Variants in ZFP90 observed in about 807,000 individuals in gnomAD.
ZFP90 encodes the protein ZFP90 zinc finger protein.
Under a neutral mutation model 60.8 loss-of-function variants are expected in ZFP90, and 38 were observed. The ratio of observed to expected loss-of-function variants is 0.62; its 90% CI spans 0.48 to 0.82. The LOEUF (loss-of-function observed/expected upper bound fraction) is 0.82, where lower values mean the gene tolerates loss of function less well. Ranked by LOEUF, ZFP90 falls within the 40% of genes least tolerant of loss-of-function variation. The pLI, the probability that ZFP90 is intolerant of heterozygous loss-of-function variation, is 0.00. For synonymous variants in ZFP90, 287 were observed against 264.8 expected (o/e 1.08, Z -0.82); for missense variants, 711 against 759.1 (o/e 0.94, Z 0.74).
intron 4 of ZFP90, among the ~76,000 whole-genome samples, chr16:68,558,845 A>G (rs1372306401): frequency 6.6e-6 from 1 of 152,072 alleles, no homozygotes; most frequent in Admixed American, 6.6e-5. Context: ...CCCTGAATTG[A>G]ACTCCCGTAT....
downstream of ZFP90, among the ~76,000 whole-genome samples, chr16:68,569,267 G>C (rs1369204810): frequency 1.3e-5 from 2 of 151,402 alleles, no homozygotes; most frequent in Admixed American, 6.6e-5. Flanking sequence ...CTCCTGAGTA[G>C]CTGGGACTAC....
At chr16:68,545,870 A>C (rs565733901) in intron 2 of ZFP90, among the ~76,000 whole-genome samples, 4 of 151,444 alleles carry the variant, frequency 2.6e-5, no homozygotes, top group South Asian at 4.2e-4. Context: ...GTGTTGTATT[A>C]CTTTTGTTAA....
At chr16:68,556,790 C>T (rs2091351330) in intron 2 of ZFP90, among the ~76,000 whole-genome samples, 1 of 152,224 alleles carries the variant, frequency 6.6e-6, no homozygotes. Flanking sequence ...ACACAAAATG[C>T]GATGGATAGT....
chr16:68,536,472 T>C (rs1040512571), upstream of ZFP90, among the ~76,000 whole-genome samples: 1 of 151,960 alleles, frequency 6.6e-6, no homozygotes, highest in African/African-American at 2.4e-5. Context: ...CACCTGGCAT[T>C]ATTATTACTA....
chr16:68,541,116 A>G (rs1010997236), intron 2 of ZFP90, among the ~76,000 whole-genome samples: 6 of 151,474 alleles, frequency 4.0e-5, no homozygotes, highest in African/African-American at 1.2e-4. Flanking sequence ...GCTCACTGCA[A>G]CCTCCACCTC....
At position 68,564,176 on chromosome 16, in the gene ZFP90, A is replaced by G. The variant is rs767466951; in HGVS notation, c.1389A>G (p.Thr463=). 6.2e-7 allele frequency: 1 copy of G among 1,614,216 alleles called. No individual in the cohort carries two copies. Among genetic ancestry groups the G allele is most frequent in the South Asian group, 1.1e-5 (1 of 91,088 alleles). Residue 463 remains threonine, a synonymous_variant, in exon 5 of 5, where the codon ACA becomes ACG. Coordinates refer to ENST00000563169, the MANE Select transcript of ZFP90 (RefSeq NM_001305203.2). ...GTGGGGAAGACTTTAGTCACATTAC[A>G]GACTTTACTGACCATCAGAGGATCC... ...NDCGEDFSHI[T]DFTDHQRIHT... is the part of the protein sequence containing the mutation.
intron 2 of ZFP90, chr16:68,555,184 C>T (rs1355690990): frequency 6.6e-6 from 1 of 152,248 alleles, no homozygotes; most frequent in Non-Finnish European, 1.5e-5. Flanking sequence ...TGTGTATTGT[C>T]TCATATTGTG....
At position 68,564,043 on chromosome 16, in the gene ZFP90, G is replaced by GCAAACCTTAC; in HGVS notation, c.1261_1270dup (p.Ser424ThrfsTer6). 1.2e-6 allele frequency: 2 copies of GCAAACCTTAC among 1,613,966 alleles called. No homozygotes were observed. Among genetic ancestry groups the GCAAACCTTAC allele is most frequent in the Non-Finnish European group, 1.7e-6 (2 of 1,179,994 alleles). ...AAACATATGAGGATTCATAAGAGAGGCAAACCTTACCAAAGCAGTAACTAC... is the reference window on the plus strand; with the variant it reads ...AAACATATGAGGATTCATAAGAGAGGCAAACCTTACCAAACCTTACCAAAGCAGTAACTAC... On this transcript the variant is annotated frameshift_variant, in exon 5 of 5. Coordinates refer to ENST00000563169, the MANE Select transcript of ZFP90 (RefSeq NM_001305203.2). LOFTEE classifies it high-confidence loss of function.
At chr16:68,553,904 T>C (rs1402134188) in intron 2 of ZFP90, among the ~76,000 whole-genome samples, 1 of 151,844 alleles carries the variant, frequency 6.6e-6, no homozygotes, top group East Asian at 2.0e-4. Context: ...GGATCACAGG[T>C]GTGAGCCACC....
intron 2 of ZFP90, among the ~76,000 whole-genome samples, chr16:68,553,801 TTG>T: frequency 6.6e-6 from 1 of 152,040 alleles, no homozygotes; most frequent in South Asian, 2.1e-4. Flanking sequence ...AAAAATTTGT[TTG>T]TGTTAGAGAT....
upstream of ZFP90, among the ~76,000 whole-genome samples, chr16:68,534,519 C>T (rs145503100): frequency 1.8e-4 from 27 of 151,122 alleles, no homozygotes; most frequent in African/African-American, 4.4e-4. Context: ...TGAGCCACTG[C>T]GCCCGGCCAT....
rs1399914827 is a variant in ZFP90, at chr16:68,566,369, C to A, written c.*1671C>A. ...AATTTTCCCAGCCCTAAATATGAAT[C>A]ATGGGGCAAGATATTGGTCGTATTG... On this transcript the variant is annotated 3_prime_UTR_variant, in exon 5 of 5. Transcript: ENST00000563169. The A allele has an allele frequency of 1.0e-6, 1 of 985,538 alleles. No homozygotes were observed. The highest frequency in any genetic ancestry group is 1.2e-6 in the Non-Finnish European group (1 of 829,938). 61.0% of individuals were successfully genotyped at this position (985,538 alleles called of 1,614,324 possible).
rs528025628 is a variant in ZFP90, at chr16:68,554,789, T to C, written c.34-3209T>C. On this transcript the variant is annotated intron_variant, in intron 2 of 4. Coordinates refer to ENST00000563169, the MANE Select transcript of ZFP90 (RefSeq NM_001305203.2). ...CAACATAGTGAGACCCCATCTCTATTAAACAAAATAAAACAAAATAAACCA... is the reference window on the plus strand; with the variant it reads ...CAACATAGTGAGACCCCATCTCTATCAAACAAAATAAAACAAAATAAACCA... Among the ~76,000 whole-genome samples the C allele has an allele frequency of 1.1e-3, 167 of 152,152 alleles. 1 individual carries two copies. The highest frequency in any genetic ancestry group is 3.8e-3 in the African/African-American group (158 of 41,520).
chr16:68,557,285 A>G, intron 2 of ZFP90: 1 of 455,936 alleles, frequency 2.2e-6, no homozygotes, highest in Non-Finnish European at 4.4e-6. Flanking sequence ...AAGTGTTAGG[A>G]TTACAGGTGT....
intron 2 of ZFP90, among the ~76,000 whole-genome samples, chr16:68,543,875 T>A (rs1007944857): frequency 6.6e-6 from 1 of 151,124 alleles, no homozygotes; most frequent in Non-Finnish European, 1.5e-5. Context: ...TTTTTTTTTT[T>A]TTTTCGAGGT....
chr16:68,537,554 A>C (rs1728801), upstream of ZFP90, among the ~76,000 whole-genome samples: 116,592 of 152,162 alleles, frequency 0.77, 44,771 homozygotes, highest in East Asian at 0.82. Context: ...GCAGTGATAG[A>C]AAGCATTCAT....
chr16:68,574,926 C>CAAAAAAAAAA (rs10658760), intron 2 of ZFP90, among the ~76,000 whole-genome samples: 1 of 103,610 alleles, frequency 9.7e-6, no homozygotes, highest in African/African-American at 3.8e-5. Flanking sequence ...GACCCTGTCT[C>CAAAAAAAAAA]AAAAAAAAAA....
intron 4 of ZFP90, among the ~76,000 whole-genome samples, chr16:68,561,018 C>CT (rs2091432697): frequency 6.6e-6 from 1 of 152,110 alleles, no homozygotes; most frequent in Non-Finnish European, 1.5e-5. Context: ...CCTCAGCCAT[C>CT]TGAGTAGCTG....
At chr16:68,554,186 G>GT (rs2091306546) in intron 2 of ZFP90, among the ~76,000 whole-genome samples, 1 of 150,820 alleles carries the variant, frequency 6.6e-6, no homozygotes, top group Non-Finnish European at 1.5e-5. Context: ...CAGTGGTGGT[G>GT]TCTCGGCTCA....
Sources: gnomAD v4.1 joint callset for allele counts (sites outside exome capture counted in the v4.1 genomes callset) on GRCh38, gnomAD v4.1.1 for gene constraint, MANE v1.5 for transcripts, NCBI Gene and HGNC (gene_info 2026-07-23, HGNC 2026-07-21) for gene names.